CDH18: variants seen among roughly 807,000 people sequenced by gnomAD.
CDH18 encodes the protein cadherin 18, also known as cadherin-18.
In CDH18, 31 loss-of-function variants were observed where a neutral mutation model predicts 67.9. The observed-to-expected ratio is 0.46, with a 90% CI of 0.34 to 0.62. The LOEUF (loss-of-function observed/expected upper bound fraction) is 0.62, where lower values mean the gene tolerates loss of function less well. Among genes scored for constraint, CDH18 ranks in the 20% least tolerant of loss-of-function variants. CDH18 has a pLI of 0.01. For synonymous variants in CDH18, 362 were observed against 347.2 expected (o/e 1.04, Z -0.48); for missense variants, 890 against 975.5 (o/e 0.91, Z 1.17).
upstream of CDH18, among the ~76,000 whole-genome samples, chr5:19,991,280 T>C (rs1799966043): frequency 6.6e-6 from 1 of 152,184 alleles, no homozygotes; most frequent in Non-Finnish European, 1.5e-5. Flanking sequence ...TTTAGAGCGG[T>C]CAACTGCACA....
At chr5:19,969,467 G>A (rs1797809566) in intron 2 of CDH18, among the ~76,000 whole-genome samples, 1 of 150,030 alleles carries the variant, frequency 6.7e-6, no homozygotes, top group African/African-American at 2.5e-5. Context: ...ATGATAGACT[G>A]GATTAAGAAA....
At chr5:19,591,643 C>A (rs1014059480) in intron 6 of CDH18, among the ~76,000 whole-genome samples, 12 of 151,684 alleles carry the variant, frequency 7.9e-5, no homozygotes, top group African/African-American at 2.7e-4. Context: ...AATGTGGAAA[C>A]AAAAAGTATG....
At chr5:19,963,349 T>G (rs753173570) in intron 2 of CDH18, among the ~76,000 whole-genome samples, 8 of 152,110 alleles carry the variant, frequency 5.3e-5, no homozygotes, top group Non-Finnish European at 1.0e-4. Context: ...TATAAAGAAC[T>G]GTCCGAGCCT....
At chr5:19,981,941 CA>C (rs60837371) in intron 1 of CDH18, among the ~76,000 whole-genome samples, 3 of 152,126 alleles carry the variant, frequency 2.0e-5, no homozygotes, top group Non-Finnish European at 4.4e-5. Flanking sequence ...CAATTTTCTA[CA>C]AATACTACAA....
At chr5:19,796,323 G>T (rs1318988750) in intron 3 of CDH18, among the ~76,000 whole-genome samples, 2 of 151,936 alleles carry the variant, frequency 1.3e-5, no homozygotes, top group Admixed American at 6.6e-5. Context: ...TTTTTTGAAA[G>T]CAGCCAGAGT....
intron 1 of CDH18, among the ~76,000 whole-genome samples, chr5:20,511,885 G>A (rs1010038585): frequency 6.6e-6 from 1 of 152,072 alleles, no homozygotes; most frequent in Non-Finnish European, 1.5e-5. Flanking sequence ...ATACCAATAA[G>A]CAGGTGAAGG....
chr5:19,643,694 TG>T (rs1754347310), intron 5 of CDH18, among the ~76,000 whole-genome samples: 1 of 152,036 alleles, frequency 6.6e-6, no homozygotes, highest in Admixed American at 6.6e-5. Flanking sequence ...GGGAGTGATA[TG>T]GGAAGATGTT....
At chr5:19,890,974 T>C (rs1337386027) in intron 2 of CDH18, among the ~76,000 whole-genome samples, 1 of 152,164 alleles carries the variant, frequency 6.6e-6, no homozygotes, top group East Asian at 1.9e-4. Flanking sequence ...TAGACAACTT[T>C]ACTATTAATG....
intron 1 of CDH18, among the ~76,000 whole-genome samples, chr5:20,287,102 C>A (rs1746749605): frequency 6.6e-6 from 1 of 151,724 alleles, no homozygotes; most frequent in Non-Finnish European, 1.5e-5. Context: ...CATTTTCGTG[C>A]ATGAACTGTT....
At chr5:20,533,041 A>T (rs959314522) in intron 1 of CDH18, among the ~76,000 whole-genome samples, 6 of 152,070 alleles carry the variant, frequency 3.9e-5, no homozygotes, top group African/African-American at 1.4e-4. Flanking sequence ...AGTTAAAATG[A>T]GGCCATTAGG....
At chr5:20,152,558 C>CA (rs1034767932) in intron 2 of CDH18, among the ~76,000 whole-genome samples, 2 of 151,738 alleles carry the variant, frequency 1.3e-5, no homozygotes, top group African/African-American at 4.8e-5. Flanking sequence ...TCAATTCCCA[C>CA]AAAAATAAAA....
chr5:20,347,671 A>G (rs1204525622), intron 1 of CDH18, among the ~76,000 whole-genome samples: 1 of 152,200 alleles, frequency 6.6e-6, no homozygotes, highest in African/African-American at 2.4e-5. Context: ...AACCTTGCTA[A>G]ATATAATATT....
At chr5:19,603,525 TA>T (rs1464476950) in intron 6 of CDH18, among the ~76,000 whole-genome samples, 1 of 152,000 alleles carries the variant, frequency 6.6e-6, no homozygotes, top group African/African-American at 2.4e-5. Context: ...TTATTGTATA[TA>T]TTTTTTAACT....
intron 5 of CDH18, among the ~76,000 whole-genome samples, chr5:19,623,666 A>T (rs1380576228): frequency 6.6e-6 from 1 of 151,952 alleles, no homozygotes; most frequent in Non-Finnish European, 1.5e-5. Flanking sequence ...AGTCACAGTT[A>T]CTATTAGAGA....
chr5:20,172,225 T>C (rs1403176460), intron 2 of CDH18, among the ~76,000 whole-genome samples: 3 of 27,842 alleles, frequency 1.1e-4, no homozygotes, highest in African/African-American at 2.9e-4. Flanking sequence ...TATATATATG[T>C]ATATATATAT....
chr5:20,291,445 A>T (rs1747097502), intron 1 of CDH18, among the ~76,000 whole-genome samples: 2 of 152,190 alleles, frequency 1.3e-5, no homozygotes, highest in African/African-American at 4.8e-5. Flanking sequence ...GGTATGATTT[A>T]GGAAATGTAA....
At chr5:20,365,509 A>G (rs991859354) in intron 1 of CDH18, among the ~76,000 whole-genome samples, 6 of 152,324 alleles carry the variant, frequency 3.9e-5, no homozygotes, top group Middle Eastern at 6.8e-3. Context: ...CCTTACTCTC[A>G]GTGATAAATA....
chr5:19,928,053 AAC>A (rs1793281274), intron 2 of CDH18, among the ~76,000 whole-genome samples: 1 of 152,112 alleles, frequency 6.6e-6, no homozygotes, highest in Admixed American at 6.6e-5. Flanking sequence ...AGCTCTGAAA[AAC>A]ACAGCCTGCC....
intron 6 of CDH18, among the ~76,000 whole-genome samples, chr5:19,612,033 A>AT (rs1392414656): frequency 6.6e-6 from 1 of 151,358 alleles, no homozygotes. Context: ...AACATGAAGA[A>AT]TTTTTTTAAA....
Sources: allele counts gnomAD v4.1 joint callset (sites outside exome capture counted in the v4.1 genomes callset), GRCh38; gene constraint gnomAD v4.1.1; transcripts MANE v1.5; gene names NCBI Gene and HGNC (gene_info 2026-07-23, HGNC 2026-07-21).